The following ROBO2 variants were observed in gnomAD, a reference collection of about 807,000 sequenced individuals.
ROBO2 encodes the protein roundabout guidance receptor 2.
Under a neutral mutation model 160.8 loss-of-function variants are expected in ROBO2, and 53 were observed. The observed-to-expected ratio is 0.33, with a 90% confidence interval of 0.26 to 0.41. The LOEUF is 0.41. ROBO2 is among the 10% of genes least tolerant of loss of function. The pLI, the probability that ROBO2 is intolerant of heterozygous loss-of-function variation, is 1.00. For missense variants in ROBO2, 1,577 were observed against 1,722.4 expected (o/e 0.92, Z 1.49); for synonymous variants, 664 against 611.7 (o/e 1.09, Z -1.26).
intron 2 of ROBO2, among the ~76,000 whole-genome samples, chr3:77,236,918 G>T (rs952397213): frequency 6.6e-6 from 1 of 152,084 alleles, no homozygotes; most frequent in Non-Finnish European, 1.5e-5. Context: ...AGATTGCCTA[G>T]GCTGGAGTGC....
intron 1 of ROBO2, among the ~76,000 whole-genome samples, chr3:77,043,708 A>G (rs1303192767): frequency 1.3e-5 from 2 of 152,130 alleles, no homozygotes; most frequent in African/African-American, 4.8e-5. Flanking sequence ...GCAGTCATTT[A>G]TGGGAAATTA....
chr3:76,268,620 G>A (rs1020682021), intron 2 of ROBO2, among the ~76,000 whole-genome samples: 4 of 152,066 alleles, frequency 2.6e-5, no homozygotes, highest in South Asian at 2.1e-4. Context: ...GGCTCCCACC[G>A]TTAAGACCTC....
chr3:76,650,266 C>T (rs2091191465), intron 2 of ROBO2, among the ~76,000 whole-genome samples: 1 of 152,170 alleles, frequency 6.6e-6, no homozygotes, highest in African/African-American at 2.4e-5. Context: ...ATACAATGAC[C>T]GCCTGTTTGT....
rs913328268 is a variant in ROBO2, at chr3:76,962,247, AT to A, written c.110-135765del. ...CTACTTGGGAGGCTGAGGCAGGAGA[AT>A]TGCTTGAACACAGGAGGTAGAGGTT... On this transcript the variant is annotated intron_variant, in intron 2 of 26. Coordinates refer to the ROBO2 transcript ENST00000487694. Among the ~76,000 whole-genome samples, 97 of 152,202 alleles carry A rather than the reference AT, an allele frequency of 6.4e-4. 2 individuals are homozygous for A. Among genetic ancestry groups the A allele is most frequent in the Admixed American group, 6.2e-3 (95 of 15,278 alleles).
intron 6 of ROBO2, among the ~76,000 whole-genome samples, chr3:77,541,957 T>TA (rs1462365031): frequency 6.6e-6 from 1 of 152,154 alleles, no homozygotes; most frequent in African/African-American, 2.4e-5. Flanking sequence ...GTTTTTTTTT[T>TA]AATACTTAAT....
intron 2 of ROBO2, among the ~76,000 whole-genome samples, chr3:76,566,486 G>T (rs2084532406): frequency 6.6e-6 from 1 of 152,032 alleles, no homozygotes; most frequent in South Asian, 2.1e-4. Flanking sequence ...TCAAAACACT[G>T]TATCTTGAGA....
chr3:77,350,068 A>AT (rs1553918857), intron 2 of ROBO2, among the ~76,000 whole-genome samples: 4 of 65,942 alleles, frequency 6.1e-5, no homozygotes, highest in Non-Finnish European at 1.1e-4. Flanking sequence ...GTACATTAAA[A>AT]AAAAATATAT....
chr3:76,054,981 A>G (rs941898769), intron 2 of ROBO2, among the ~76,000 whole-genome samples: 1 of 152,178 alleles, frequency 6.6e-6, no homozygotes, highest in African/African-American at 2.4e-5. Flanking sequence ...TCATGCTGCT[A>G]ATAAAGACAT....
In ROBO2 at chr3:76,351,134, A is replaced by G. The variant is rs140149783; in HGVS notation, c.109+413532A>G. On this transcript the variant is annotated intron_variant, in intron 2 of 26. Coordinates refer to the ROBO2 transcript ENST00000487694. ...TCAATAAAATAATGATATATGTAGTATGATCTCTCTTTTATAGGTAAAAAA... is the reference window on the plus strand; with the variant it reads ...TCAATAAAATAATGATATATGTAGTGTGATCTCTCTTTTATAGGTAAAAAA... 5.2e-3 allele frequency among the ~76,000 whole-genome samples: 789 copies of G among 152,090 alleles called. 6 individuals are homozygous for G. The highest frequency in any genetic ancestry group is 0.024 in the Middle Eastern group (7 of 294).
At chr3:77,318,064 T>C (rs2064250658) in intron 2 of ROBO2, among the ~76,000 whole-genome samples, 2 of 152,116 alleles carry the variant, frequency 1.3e-5, no homozygotes, top group African/African-American at 4.8e-5. Context: ...TATTATTTTT[T>C]TGAGACAGGG....
intron 16 of ROBO2, among the ~76,000 whole-genome samples, chr3:77,581,257 C>T (rs1378523827): frequency 6.6e-6 from 1 of 152,042 alleles, no homozygotes; most frequent in Admixed American, 6.6e-5. Flanking sequence ...TATTTTCTCC[C>T]AGTCCATGAC....
chr3:76,272,811 A>AAAAT lies in ROBO2; in HGVS notation c.109+335210_109+335211insAATA, dbSNP rs1184787771. The stretch of plus-strand genomic sequence containing the variant: ...TAAAATATATATATATAAAATATAT[A>AAAAT]ATATGTATTTATATATAAAATATAT... On this transcript the variant is annotated intron_variant, in intron 2 of 26. Transcript: ENST00000487694. Among the ~76,000 whole-genome samples, 21 of 9,656 alleles carry AAAAT rather than the reference A, an allele frequency of 2.2e-3. 1 individual carries two copies. The South Asian group carries it at 0.031, about 14-fold the overall frequency. 6.3% of individuals were successfully genotyped at this position (9,656 alleles called of 152,430 possible). A position where few individuals can be genotyped will look rare whatever the true frequency, so the allele number is the denominator to read the frequency against.
chr3:76,048,658 T>C (rs78271233), intron 2 of ROBO2, among the ~76,000 whole-genome samples: 4,252 of 152,214 alleles, frequency 0.028, 222 homozygotes, highest in African/African-American at 0.097. Flanking sequence ...AGGCGATTCA[T>C]AGGTGAATCA....
At chr3:76,109,715 C>T (rs949422893) in intron 2 of ROBO2, among the ~76,000 whole-genome samples, 87 of 152,020 alleles carry the variant, frequency 5.7e-4, no homozygotes, top group African/African-American at 2.0e-3. Flanking sequence ...AGTTTTGTCA[C>T]ATGGCTATAT....
chr3:76,113,774 C>A (rs765647132), intron 2 of ROBO2, among the ~76,000 whole-genome samples: 1 of 152,078 alleles, frequency 6.6e-6, no homozygotes, highest in Admixed American at 6.6e-5. Context: ...TAACCCCCAA[C>A]GTTGGAGGTG....
intron 2 of ROBO2, among the ~76,000 whole-genome samples, chr3:76,669,992 G>T (rs566085632): frequency 1.3e-5 from 2 of 152,126 alleles, no homozygotes; most frequent in Admixed American, 6.6e-5. Context: ...CTGTGATAAG[G>T]CATATACTAA....
At chr3:77,234,226 T>C (rs2087626119) in intron 2 of ROBO2, among the ~76,000 whole-genome samples, 1 of 152,170 alleles carries the variant, frequency 6.6e-6, no homozygotes, top group Non-Finnish European at 1.5e-5. Flanking sequence ...TATTGTCTAT[T>C]GAAATCAAAT....
At chr3:76,655,734 G>A (rs959867696) in intron 2 of ROBO2, among the ~76,000 whole-genome samples, 6 of 145,118 alleles carry the variant, frequency 4.1e-5, no homozygotes, top group Non-Finnish European at 7.5e-5. Flanking sequence ...GAAAGGGAGG[G>A]AGGGAGGGAG....
intron 2 of ROBO2, among the ~76,000 whole-genome samples, chr3:77,300,519 T>G (rs1580863083): frequency 6.6e-6 from 1 of 152,078 alleles, no homozygotes; most frequent in African/African-American, 2.4e-5. Context: ...TCTTTGGAAT[T>G]TTTAGTTCTG....
Sources: allele counts gnomAD v4.1 joint callset (sites outside exome capture counted in the v4.1 genomes callset), GRCh38; gene constraint gnomAD v4.1.1; transcripts MANE v1.5; gene names NCBI Gene and HGNC (gene_info 2026-07-23, HGNC 2026-07-21).